The following WDR12 variants were observed in gnomAD, a reference collection of about 807,000 sequenced individuals.
The protein encoded by WDR12 is ribosome biogenesis protein WDR12.
Under a neutral mutation model 64.3 loss-of-function variants are expected in WDR12, and 42 were observed. That is an observed-to-expected ratio of 0.65 (90% CI 0.51 to 0.84). The LOEUF (loss-of-function observed/expected upper bound fraction) is 0.84. Ranked by LOEUF, WDR12 falls within the 40% of genes least tolerant of loss-of-function variation. WDR12 has a pLI of 0.00. For synonymous variants in WDR12, 158 were observed against 173.3 expected (o/e 0.91, Z 0.70); for missense variants, 469 against 494.6 (o/e 0.95, Z 0.49).
intron 2 of WDR12, 70 bp from the exon 3 acceptor site, chr2:202,901,189 C>T (rs1688343834): frequency 8.5e-7 from 1 of 1,176,790 alleles, no homozygotes; most frequent in Admixed American, 2.2e-5. Flanking sequence ...TATATGAGAA[C>T]TCCCAAAACA....
intron 2 of WDR12, among the ~76,000 whole-genome samples, chr2:202,903,390 C>G (rs1263337323): frequency 1.3e-5 from 2 of 151,080 alleles, no homozygotes; most frequent in African/African-American, 4.9e-5. Flanking sequence ...TAAGGATGCC[C>G]ACTTTTACCA....
intron 8 of WDR12, 89 bp from the exon 9 acceptor site, chr2:202,884,624 TGACAGA>T (rs1294540392): frequency 1.7e-5 from 23 of 1,375,624 alleles, no homozygotes; most frequent in East Asian, 2.5e-5. Context: ...AAAGCCCACA[TGACAGA>T]GACAAACTGC....
At chr2:202,908,035 C>T (rs988690841) in intron 1 of WDR12, 76 bp from the exon 2 acceptor site, 1 of 1,325,872 alleles carries the variant, frequency 7.5e-7, no homozygotes, top group Non-Finnish European at 1.1e-6. Context: ...ATTCAACATA[C>T]ATTTATTGGG....
chr2:202,884,177 C>G (rs1688005788), intron 10 of WDR12, 21 bp downstream of exon 10: 1 of 1,598,600 alleles, frequency 6.3e-7, no homozygotes, highest in Non-Finnish European at 8.6e-7. Context: ...ATATATTCCC[C>G]CAGTGGTTTA....
At chr2:202,911,319 T>A in intron 1 of WDR12, 117 bp downstream of exon 1, 1 of 971,926 alleles carries the variant, frequency 1.0e-6, no homozygotes, top group Non-Finnish European at 1.6e-6. Context: ...AAGCAGGTAA[T>A]CTCAGAAAAA....
In WDR12 at chr2:202,896,192, G is replaced by A; in HGVS notation, c.482C>T (p.Ala161Val). 6.2e-7 allele frequency: 1 copy of A among 1,613,752 alleles called. No individual in the cohort carries two copies. Among genetic ancestry groups the A allele is most frequent in the Non-Finnish European group, 8.5e-7 (1 of 1,179,938 alleles). Residue 161 changes from alanine to valine, a missense_variant, in exon 6 of 13, where the codon GCT becomes GTT. Physicochemically the swap from Ala to Val is moderately conservative, Grantham distance 64. Transcript: ENST00000261015. ...TAAGAGAATAGTCTGATCCATAGAA[G>A]CACTCAATAATAAGCAGGACAAACT... Reference protein sequence around the residue: ...KDSLSCLLLSASMDQTILLWE... With the variant: ...KDSLSCLLLSVSMDQTILLWE...
intron 5 of WDR12, among the ~76,000 whole-genome samples, chr2:202,896,710 T>C (rs572895943): frequency 6.6e-6 from 1 of 150,730 alleles, no homozygotes; most frequent in South Asian, 2.1e-4. Context: ...ACAAACAGGC[T>C]GGGTGCAGTG....
chr2:202,880,961 C>T (rs779407908), intron 12 of WDR12, 24 bp from the exon 13 acceptor site: 383 of 1,553,208 alleles, frequency 2.5e-4, no homozygotes, highest in Middle Eastern at 7.1e-4. Context: ...GAGAAAAAGA[C>T]AAGAAAACAT....
At chr2:202,900,942 T>C in intron 3 of WDR12, 83 bp downstream of exon 3, 2 of 1,080,500 alleles carry the variant, frequency 1.9e-6, no homozygotes, top group Non-Finnish European at 2.7e-6. Flanking sequence ...TAAAGATAGA[T>C]TCAGTGTGAT....
rs373489827 is a variant in WDR12, at chr2:202,901,130, T to C, written c.137-11A>G. The C allele has an allele frequency of 3.3e-5, 52 of 1,580,384 alleles. No individual in the cohort carries two copies. The highest frequency in any genetic ancestry group is 4.2e-5 in the Non-Finnish European group (48 of 1,156,026). On this transcript the variant is annotated splice_polypyrimidine_tract_variant and intron_variant, in intron 2 of 12. Coordinates refer to ENST00000261015, the MANE Select transcript of WDR12 (RefSeq NM_018256.4). ...CATGTTTGTGGAACTCTGAGGAAAA[T>C]ACATAACAAAATTATCACTCTTAGT... is the stretch of plus-strand genomic sequence containing the variant.
intron 6 of WDR12, among the ~76,000 whole-genome samples, chr2:202,894,952 CCTT>C (rs1185293195): frequency 6.6e-6 from 1 of 152,128 alleles, no homozygotes; most frequent in African/African-American, 2.4e-5. Context: ...GCACCATTAC[CCTT>C]CTTGTGATGT....
chr2:202,893,702 C>T (rs1374716175), intron 7 of WDR12, among the ~76,000 whole-genome samples: 1 of 152,120 alleles, frequency 6.6e-6, no homozygotes, highest in East Asian at 1.9e-4. Context: ...ATAGTTGTAG[C>T]TACTAGGTCT....
intron 1 of WDR12, among the ~76,000 whole-genome samples, chr2:202,909,789 A>T (rs967415290): frequency 2.0e-5 from 3 of 150,530 alleles, no homozygotes; most frequent in African/African-American, 7.4e-5. Context: ...TTTATTATTT[A>T]TTTATTTATT....
chr2:202,894,193 G>C (rs1688200857), intron 7 of WDR12, among the ~76,000 whole-genome samples: 1 of 149,404 alleles, frequency 6.7e-6, no homozygotes, highest in Non-Finnish European at 1.5e-5. Context: ...CAAAATATGG[G>C]TTAAAAAGTC....
intron 8 of WDR12, among the ~76,000 whole-genome samples, chr2:202,886,380 C>T (rs938251930): frequency 2.0e-5 from 3 of 152,038 alleles, no homozygotes; most frequent in African/African-American, 7.2e-5. Flanking sequence ...ATTGCTTGAA[C>T]CTGGGACGTG....
intron 1 of WDR12, among the ~76,000 whole-genome samples, 184 bp from the exon 2 acceptor site, chr2:202,908,143 A>C (rs1431565048): frequency 6.6e-6 from 1 of 152,238 alleles, no homozygotes; most frequent in Non-Finnish European, 1.5e-5. Context: ...AAGTTTAGTA[A>C]TCAAATAGAA....
At chr2:202,884,663 T>C (rs1235845960) in intron 8 of WDR12, 128 bp from the exon 9 acceptor site, 13 of 789,950 alleles carry the variant, frequency 1.6e-5, no homozygotes, top group Non-Finnish European at 2.3e-5. Flanking sequence ...TCCTGACTTA[T>C]TTCTTCCTTT....
At chr2:202,909,827 CTA>C (rs1454087124) in intron 1 of WDR12, among the ~76,000 whole-genome samples, 1 of 147,766 alleles carries the variant, frequency 6.8e-6, no homozygotes, top group Non-Finnish European at 1.5e-5. Context: ...TAGAGTCTCA[CTA>C]TGTTCCCCAG....
chr2:202,884,577 C>A (rs1427759779), intron 8 of WDR12, 42 bp from the exon 9 acceptor site: 2 of 1,572,932 alleles, frequency 1.3e-6, no homozygotes, highest in Non-Finnish European at 8.6e-7. Context: ...GTTTTCATTA[C>A]AGAATAATTG....
Sources: allele counts gnomAD v4.1 joint callset (sites outside exome capture counted in the v4.1 genomes callset), GRCh38; gene constraint gnomAD v4.1.1; transcripts MANE v1.5; gene names NCBI Gene and HGNC (gene_info 2026-07-23, HGNC 2026-07-21).